CHD6: variants seen among roughly 807,000 people sequenced by gnomAD.
The protein encoded by CHD6 is chromodomain helicase DNA binding protein 6.
Under a neutral mutation model 276.9 loss-of-function variants are expected in CHD6, and 50 were observed. That is an observed-to-expected ratio of 0.18 (90% CI 0.14 to 0.23). CHD6 has a LOEUF of 0.23. CHD6 is among the 10% of genes least tolerant of loss of function. The pLI is 1.00. For synonymous variants in CHD6, 1,173 were observed against 1,229.3 expected, an observed-to-expected ratio of 0.95 and a Z score of 0.96; for missense variants, 2,564 against 3,365.8, an observed-to-expected ratio of 0.76 and a Z score of 5.89.
At chr20:41,597,258 A>C (rs565587105) in intron 1 of CHD6, among the ~76,000 whole-genome samples, 1 of 152,116 alleles carries the variant, frequency 6.6e-6, no homozygotes, top group Admixed American at 6.5e-5. Flanking sequence ...ATAAATTTAG[A>C]GGTGGGACGT....
chr20:41,499,243 G>A (rs958896208), intron 6 of CHD6, 52 bp downstream of exon 6: 2 of 1,401,034 alleles, frequency 1.4e-6, no homozygotes, highest in Non-Finnish European at 9.8e-7. Context: ...TCTCTTCACA[G>A]AAGATGTAAT....
At chr20:41,494,934 C>T (rs1288517735) in intron 8 of CHD6, among the ~76,000 whole-genome samples, 1 of 152,038 alleles carries the variant, frequency 6.6e-6, no homozygotes, top group Non-Finnish European at 1.5e-5. Context: ...ACTTAACTTC[C>T]TTCCTTATAA....
chr20:41,525,727 ATC>A (rs1451562794), intron 3 of CHD6, among the ~76,000 whole-genome samples: 1 of 152,166 alleles, frequency 6.6e-6, no homozygotes, highest in African/African-American at 2.4e-5. Flanking sequence ...GCCTTTTCTC[ATC>A]TATTAATTTC....
chr20:41,446,078 T>C (rs2048059096), intron 24 of CHD6, among the ~76,000 whole-genome samples: 1 of 152,224 alleles, frequency 6.6e-6, no homozygotes, highest in Non-Finnish European at 1.5e-5. Context: ...AGAGTTCTAA[T>C]GTGCACCTTA....
At chr20:41,589,575 C>G (rs2045633633) in intron 1 of CHD6, among the ~76,000 whole-genome samples, 1 of 152,122 alleles carries the variant, frequency 6.6e-6, no homozygotes, top group Admixed American at 6.6e-5. Context: ...ACACCAATAA[C>G]AGGCAAACAG....
intron 2 of CHD6, among the ~76,000 whole-genome samples, chr20:41,541,791 C>A (rs1484665512): frequency 6.6e-6 from 1 of 152,276 alleles, no homozygotes; most frequent in African/African-American, 2.4e-5. Flanking sequence ...TTTTCAAAAC[C>A]TTTCCACCCC....
intron 34 of CHD6, 58 bp downstream of exon 34, chr20:41,415,128 G>A: frequency 7.9e-6 from 12 of 1,513,154 alleles, no homozygotes; most frequent in Non-Finnish European, 1.1e-5. Flanking sequence ...GAGGAAGAAG[G>A]GTTTGTTTCT....
chr20:41,598,405 C>T (rs1316750641), intron 1 of CHD6, among the ~76,000 whole-genome samples: 2 of 151,902 alleles, frequency 1.3e-5, no homozygotes, highest in Admixed American at 1.3e-4. Flanking sequence ...TACCAAGATG[C>T]AAATGCCTGG....
chr20:41,468,441 A>C (rs2042980022), intron 17 of CHD6, among the ~76,000 whole-genome samples: 1 of 151,568 alleles, frequency 6.6e-6, no homozygotes, highest in Admixed American at 6.6e-5. Context: ...CCCTTATTTT[A>C]TTTTCTTTGC....
chr20:41,471,602 C>T (rs2043054111), intron 17 of CHD6, among the ~76,000 whole-genome samples: 1 of 151,722 alleles, frequency 6.6e-6, no homozygotes, highest in African/African-American at 2.4e-5. Context: ...GTGGCACAAT[C>T]TCGGCTCACT....
Position 41,483,367 on chromosome 20 carries a change from T to C in CHD6, c.2410A>G (p.Ile804Val), listed in dbSNP as rs375197339. The change falls in exon 16 of 37, where the codon ATC becomes GTC. Residue 804 changes from isoleucine (I) to valine (V), a missense_variant. By Grantham distance (29) the Ile-to-Val change is conservative (BLOSUM62 3). This residue lies in a region of CHD6 where 457 missense variants were observed against 889.0 expected (regional missense o/e 0.51). Transcript: ENST00000373233. ...AGGCAGCGCACCATCTGGGAGAAGA[T>C]GAGTACTTTGTGGCCACCTGCAATC... ...KLIAGGHKVL[I>V]FSQMVRCLDI... 7 of 1,613,848 alleles carry C rather than the reference T, an allele frequency of 4.3e-6. No individual in the cohort carries two copies. Among genetic ancestry groups the C allele is most frequent in the East Asian group, 2.2e-5 (1 of 44,854 alleles).
intron 1 of CHD6, among the ~76,000 whole-genome samples, chr20:41,582,006 T>G (rs2045545631): frequency 6.6e-6 from 1 of 152,186 alleles, no homozygotes; most frequent in Non-Finnish European, 1.5e-5. Context: ...CTTACTTGAG[T>G]GCATTTTTAA....
At chr20:41,477,764 C>T (rs150235861) in intron 16 of CHD6, among the ~76,000 whole-genome samples, 19 of 152,248 alleles carry the variant, frequency 1.2e-4, no homozygotes, top group African/African-American at 4.6e-4. Flanking sequence ...GAACACGTGA[C>T]GGGATCAAAC....
At chr20:41,433,074 A>G (rs2047594680) in intron 27 of CHD6, among the ~76,000 whole-genome samples, 1 of 151,314 alleles carries the variant, frequency 6.6e-6, no homozygotes, top group African/African-American at 2.4e-5. Context: ...CCCAATGTGA[A>G]TAACAGAAAA....
intron 2 of CHD6, among the ~76,000 whole-genome samples, chr20:41,547,204 A>C (rs2045058940): frequency 6.6e-6 from 1 of 152,214 alleles, no homozygotes. Flanking sequence ...TTTATTGTTA[A>C]ACTGAAAGAT....
rs1600771602 is a variant in CHD6, at chr20:41,403,530, A to G, written c.*1063T>C. The stretch of plus-strand genomic sequence containing the variant: ...AACAGAATGGAGAAATTAATGGAGA[A>G]GTAACTTTTCATAGCTGTATTATAA... On this transcript the variant is annotated 3_prime_UTR_variant, in exon 37 of 37. Transcript: ENST00000373233. The G allele has an allele frequency of 8.5e-6, 9 of 1,063,044 alleles. No individual in the cohort carries two copies. The highest frequency in any genetic ancestry group is 1.0e-5 in the Non-Finnish European group (9 of 877,926). 65.9% of individuals were successfully genotyped at this position (1,063,044 alleles called of 1,614,324 possible). A position where few individuals can be genotyped will look rare whatever the true frequency, so the allele number is the denominator to read the frequency against.
intron 30 of CHD6, among the ~76,000 whole-genome samples, chr20:41,422,621 G>C (rs1433919708): frequency 6.6e-6 from 1 of 152,178 alleles, no homozygotes. Flanking sequence ...CTCTACACTA[G>C]GTACTTTATA....
chr20:41,520,996 A>G lies in CHD6; in HGVS notation c.555-6044T>C, dbSNP rs554130294. ...AAGAAACAGAGGAAGGGTAAACAAA[A>G]AACCCCACAATGTCTATCTACCTGC... On this transcript the variant is annotated intron_variant, in intron 3 of 36. Coordinates refer to ENST00000373233, the MANE Select transcript of CHD6 (RefSeq NM_032221.5). Among the ~76,000 whole-genome samples, 122 of 152,290 alleles carry G rather than the reference A, an allele frequency of 8.0e-4. 1 individual carries two copies. Among genetic ancestry groups the G allele is most frequent in the African/African-American group, 2.7e-3 (112 of 41,562 alleles).
chr20:41,491,881 T>C (rs779033513), intron 10 of CHD6, 62 bp from the exon 11 acceptor site: 398 of 1,576,348 alleles, frequency 2.5e-4, no homozygotes, highest in Non-Finnish European at 3.2e-4. Flanking sequence ...ATAACATGGA[T>C]ACTAACGAGG....
Sources: allele counts gnomAD v4.1 joint callset (sites outside exome capture counted in the v4.1 genomes callset), GRCh38; gene constraint gnomAD v4.1.1; regional missense constraint gnomAD v4.1.1; transcripts MANE v1.5; gene names NCBI Gene and HGNC (gene_info 2026-07-23, HGNC 2026-07-21).